Variants in DESI2 observed in about 807,000 individuals in gnomAD.
The protein encoded by DESI2 is deubiquitinase DESI2.
Under a neutral mutation model 24.1 loss-of-function variants are expected in DESI2, and 10 were observed. That is an observed-to-expected ratio of 0.41 (90% CI 0.26 to 0.70). The LOEUF is 0.70. DESI2 is among the 30% of genes least tolerant of loss of function. The pLI, the probability that DESI2 is intolerant of heterozygous loss-of-function variation, is 0.29. For synonymous variants in DESI2, 71 were observed against 87.7 expected (o/e 0.81, Z 1.06); for missense variants, 122 against 234.9 (o/e 0.52, Z 3.14).
intron 1 of DESI2, among the ~76,000 whole-genome samples, chr1:244,670,030 C>T (rs192493463): frequency 1.3e-5 from 2 of 151,352 alleles, no homozygotes; most frequent in Admixed American, 1.3e-4. Context: ...AATCTTGGCT[C>T]ACTGCAACCT....
chr1:244,653,350 G>T lies in DESI2; in HGVS notation c.37G>T (p.Asp13Tyr). 2 of 1,544,234 alleles carry T rather than the reference G, an allele frequency of 1.3e-6. No individual in the cohort carries two copies. The highest frequency in any genetic ancestry group is 1.4e-5 in the African/African-American group (1 of 69,532). The change falls in exon 1 of 5, where the codon GAC (aspartate) becomes TAC (tyrosine). Residue 13 changes from aspartate (D) to tyrosine (Y), a missense_variant. Asp to Tyr is a radical substitution (Grantham distance 160). Coordinates refer to ENST00000302550, the MANE Select transcript of DESI2 (RefSeq NM_016076.5). The part of the protein sequence containing the change: ...ANQLVVLNVY[D>Y]MYWMNEYTSS... Reference sequence around the variant, plus strand: ...CCAGTTAGTGGTGCTCAACGTGTACGACATGGTGAGTGCGGCCCCTGGCGG... The same window carrying T: ...CCAGTTAGTGGTGCTCAACGTGTACTACATGGTGAGTGCGGCCCCTGGCGG...
At chr1:244,687,185 A>C (rs1213238697) in intron 2 of DESI2, among the ~76,000 whole-genome samples, 1 of 152,222 alleles carries the variant, frequency 6.6e-6, no homozygotes, top group Non-Finnish European at 1.5e-5. Context: ...ATTGCTGAGC[A>C]AATCCTGCCA....
At chr1:244,701,232 C>CCCG (rs1677448956) in intron 4 of DESI2, among the ~76,000 whole-genome samples, 1 of 73,108 alleles carries the variant, frequency 1.4e-5, no homozygotes, top group Non-Finnish European at 2.6e-5. Context: ...CCCCCCCCCC[C>CCCG]CCGCCCTTTT....
At chr1:244,697,222 G>A (rs1463657483) in intron 4 of DESI2, among the ~76,000 whole-genome samples, 3 of 152,020 alleles carry the variant, frequency 2.0e-5, no homozygotes, top group African/African-American at 7.3e-5. Flanking sequence ...ATAACAGAAG[G>A]ACTGGCAAGG....
At chr1:244,699,845 A>G (rs1677373935) in intron 4 of DESI2, among the ~76,000 whole-genome samples, 1 of 152,142 alleles carries the variant, frequency 6.6e-6, no homozygotes, top group African/African-American at 2.4e-5. Flanking sequence ...AAAAACTTCC[A>G]TGCTACCTTT....
intron 4 of DESI2, among the ~76,000 whole-genome samples, chr1:244,704,529 G>T (rs996387089): frequency 1.3e-4 from 14 of 104,920 alleles, no homozygotes; most frequent in African/African-American, 3.8e-4. Flanking sequence ...AGCGGGCAGG[G>T]ATTCCTCCTG....
At chr1:244,700,276 T>C (rs1264436857) in intron 4 of DESI2, among the ~76,000 whole-genome samples, 1 of 152,124 alleles carries the variant, frequency 6.6e-6, no homozygotes, top group African/African-American at 2.4e-5. Flanking sequence ...TAGTATTCTC[T>C]AAGTGGTTTT....
chr1:244,690,708 C>CAAA (rs34260121), intron 3 of DESI2, among the ~76,000 whole-genome samples: 2 of 70,364 alleles, frequency 2.8e-5, no homozygotes, highest in African/African-American at 5.0e-5. Flanking sequence ...TCCGTCTCAC[C>CAAA]AAAAAAAAAA....
At position 244,686,712 on chromosome 1, in the gene DESI2, T is replaced by C. The variant is rs779966381; in HGVS notation, c.115+43T>C. 3.0e-6 allele frequency: 4 copies of C among 1,346,720 alleles called. No individual in the cohort carries two copies. In the East Asian group the frequency reaches 9.2e-5, roughly 31 times the overall value. The allele number at this position is 1,346,720 out of a possible 1,614,324, so 83.4% of individuals were successfully genotyped here. On this transcript the variant is annotated intron_variant, in intron 2 of 4. Transcript: ENST00000302550. ...CTAAATATACTCTCTGAAGATTTTG[T>C]ACTTTAAAAGAGTTGCAAAATCATA...
intron 2 of DESI2, among the ~76,000 whole-genome samples, chr1:244,688,705 T>TGGATGGATG (rs145842648): frequency 3.3e-5 from 2 of 60,258 alleles, no homozygotes; most frequent in Admixed American, 2.0e-4. Flanking sequence ...GATGGGAGGG[T>TGGATGGATG]GGATGGGTAT....
intron 1 of DESI2, among the ~76,000 whole-genome samples, chr1:244,678,366 G>C (rs1676486937): frequency 6.6e-6 from 1 of 152,106 alleles, no homozygotes; most frequent in Non-Finnish European, 1.5e-5. Flanking sequence ...ATAGTACTCA[G>C]GCAACATATA....
intron 1 of DESI2, among the ~76,000 whole-genome samples, chr1:244,680,245 C>T (rs1349212909): frequency 1.3e-5 from 2 of 151,984 alleles, no homozygotes; most frequent in African/African-American, 4.8e-5. Context: ...CCTAGGAGTT[C>T]GAGACCAGCC....
At chr1:244,692,946 C>G (rs187432340) in intron 4 of DESI2, among the ~76,000 whole-genome samples, 1 of 152,302 alleles carries the variant, frequency 6.6e-6, no homozygotes. Flanking sequence ...AAGAAACACT[C>G]TAGTCTAGCG....
chr1:244,686,457 A>G (rs1676827709), intron 1 of DESI2, 140 bp from the exon 2 acceptor site: 3 of 609,066 alleles, frequency 4.9e-6, no homozygotes, highest in Middle Eastern at 2.6e-4. Context: ...AGGCAAAGGC[A>G]CAGAGCCACA....
At chr1:244,670,170 T>C (rs1230996708) in intron 1 of DESI2, among the ~76,000 whole-genome samples, 2 of 152,144 alleles carry the variant, frequency 1.3e-5, no homozygotes, top group Non-Finnish European at 2.9e-5. Context: ...TTGGTCAGGC[T>C]GGTCTTGAAC....
At chr1:244,670,571 ATTC>A (rs1676212569) in intron 1 of DESI2, among the ~76,000 whole-genome samples, 2 of 152,338 alleles carry the variant, frequency 1.3e-5, no homozygotes, top group South Asian at 4.1e-4. Context: ...TAATTTATTT[ATTC>A]TTCATAACAG....
At chr1:244,665,839 C>T (rs1676024527) in intron 1 of DESI2, among the ~76,000 whole-genome samples, 1 of 152,190 alleles carries the variant, frequency 6.6e-6, no homozygotes, top group Non-Finnish European at 1.5e-5. Flanking sequence ...TTGTGTGAGC[C>T]AGTTCCTTAA....
Position 244,690,981 on chromosome 1 carries a change from G to C in DESI2, c.210-898G>C, listed in dbSNP as rs147760163. 3.9e-5 allele frequency among the ~76,000 whole-genome samples: 6 copies of C among 152,306 alleles called. No homozygotes were observed. The East Asian group carries it at 1.2e-3, about 29-fold the overall frequency. ...TTTTGGCAAGACTACTTGATAAAAG[G>C]ATTTTCTAAGTATTTTCAGGTTCCT... On this transcript the variant is annotated intron_variant, in intron 3 of 4. Transcript: ENST00000302550.
At chr1:244,653,457 C>A (rs955225842) in intron 1 of DESI2, 102 bp downstream of exon 1, 4 of 1,240,466 alleles carry the variant, frequency 3.2e-6, no homozygotes, top group Non-Finnish European at 3.3e-6. Flanking sequence ...CTGGCGTCTC[C>A]GCCTCCAGCC....
Sources: gnomAD v4.1 joint callset for allele counts (sites outside exome capture counted in the v4.1 genomes callset) on GRCh38, gnomAD v4.1.1 for gene constraint, MANE v1.5 for transcripts, NCBI Gene and HGNC (gene_info 2026-07-23, HGNC 2026-07-21) for gene names.